SCHIP1: variants seen among roughly 807,000 people sequenced by gnomAD.
SCHIP1 encodes the protein schwannomin interacting protein 1.
A neutral mutation model predicts 29.7 loss-of-function variants in SCHIP1; 8 were observed. That is an observed-to-expected ratio of 0.27 (90% confidence interval 0.16 to 0.49). The LOEUF is 0.49. SCHIP1 is among the 20% of genes least tolerant of loss of function. The pLI is 0.99. For synonymous variants in SCHIP1, 76 were observed against 94.9 expected (o/e 0.80, Z 1.16); for missense variants, 193 against 294.6 (o/e 0.66, Z 2.52).
At chr3:159,578,415 T>C in the SCHIP1 span, among the ~76,000 whole-genome samples, 1 of 152,218 alleles carries the variant, frequency 6.6e-6, no homozygotes, top group Non-Finnish European at 1.5e-5. Context: ...TTATTAAATA[T>C]ATGTCACTTT....
chr3:159,821,310 C>T, the SCHIP1 span, among the ~76,000 whole-genome samples: 2 of 152,120 alleles, frequency 1.3e-5, no homozygotes, highest in African/African-American at 4.8e-5. Flanking sequence ...TTGTGGTTGT[C>T]TAGGAGAGTG....
At chr3:159,756,246 T>C in the SCHIP1 span, among the ~76,000 whole-genome samples, 1 of 152,234 alleles carries the variant, frequency 6.6e-6, no homozygotes, top group Non-Finnish European at 1.5e-5. Context: ...GGCATTTCCA[T>C]ACATCTTTCA....
the SCHIP1 span, among the ~76,000 whole-genome samples, chr3:159,651,343 G>T: frequency 6.6e-6 from 1 of 152,132 alleles, no homozygotes; most frequent in Non-Finnish European, 1.5e-5. Context: ...AAACAGCAAG[G>T]AAGTTTTTTT....
the SCHIP1 span, among the ~76,000 whole-genome samples, chr3:159,569,998 C>T: frequency 1.8e-3 from 276 of 152,138 alleles, no homozygotes; most frequent in African/African-American, 6.1e-3. Context: ...TATCCTTCGC[C>T]GACTTTTGGA....
intron 1 of SCHIP1, among the ~76,000 whole-genome samples, chr3:159,865,373 A>G (rs1220512396): frequency 6.6e-6 from 1 of 152,162 alleles, no homozygotes; most frequent in Admixed American, 6.6e-5. Flanking sequence ...GTGAGTTTTT[A>G]TGGGGCGTTT....
At chr3:159,742,690 C>G in the SCHIP1 span, among the ~76,000 whole-genome samples, 1 of 150,486 alleles carries the variant, frequency 6.6e-6, no homozygotes, top group Non-Finnish European at 1.5e-5. Flanking sequence ...TTTTTTGAGA[C>G]AGAGTCTCGC....
the SCHIP1 span, among the ~76,000 whole-genome samples, chr3:159,416,832 A>G: frequency 1.3e-5 from 2 of 152,168 alleles, no homozygotes; most frequent in Non-Finnish European, 2.9e-5. Context: ...TGTGACAATA[A>G]CAGAATACCA....
chr3:159,473,298 T>A, the SCHIP1 span, among the ~76,000 whole-genome samples: 3 of 152,244 alleles, frequency 2.0e-5, no homozygotes, highest in Non-Finnish European at 4.4e-5. Flanking sequence ...CCCATATTTT[T>A]AAAAATATCA....
chr3:159,502,752 G>A, the SCHIP1 span, among the ~76,000 whole-genome samples: 1 of 151,900 alleles, frequency 6.6e-6, no homozygotes, highest in Non-Finnish European at 1.5e-5. Flanking sequence ...CAAGGTTTGG[G>A]TAGGTACACA....
chr3:159,345,707 T>C, the SCHIP1 span, among the ~76,000 whole-genome samples: 1 of 152,120 alleles, frequency 6.6e-6, no homozygotes, highest in African/African-American at 2.4e-5. Context: ...TTCTCCCTGA[T>C]GGCACTTCTG....
At chr3:159,494,852 C>T in the SCHIP1 span, among the ~76,000 whole-genome samples, 530 of 152,220 alleles carry the variant, frequency 3.5e-3, 8 homozygotes, top group African/African-American at 0.012. Flanking sequence ...ATGCAAAAAT[C>T]CTCAATACAA....
chr3:159,473,674 G>GAAAAAAAAAAAAAAAAAAAAAA, the SCHIP1 span, among the ~76,000 whole-genome samples: 58 of 81,396 alleles, frequency 7.1e-4, no homozygotes, highest in Admixed American at 8.6e-4. Flanking sequence ...ATGTAACTAC[G>GAAAAAAAAAAAAAAAAAAAAAA]AAAAAAAAAA....
chr3:159,600,583 C>A, the SCHIP1 span, among the ~76,000 whole-genome samples: 4 of 152,004 alleles, frequency 2.6e-5, no homozygotes, highest in Admixed American at 2.6e-4. Context: ...TTCTCATATC[C>A]CCAATTTTTT....
chr3:159,444,010 G>A, the SCHIP1 span, among the ~76,000 whole-genome samples: 1 of 149,820 alleles, frequency 6.7e-6, no homozygotes, highest in Admixed American at 6.7e-5. Context: ...AGTAGAACTG[G>A]TCTTAGTTTG....
chr3:159,629,742 T>C, the SCHIP1 span, among the ~76,000 whole-genome samples: 7 of 152,118 alleles, frequency 4.6e-5, no homozygotes, highest in African/African-American at 1.7e-4. Context: ...TATAAACAAA[T>C]CCTGTATTTT....
At chr3:159,649,324 A>G in the SCHIP1 span, among the ~76,000 whole-genome samples, 2 of 152,184 alleles carry the variant, frequency 1.3e-5, no homozygotes, top group African/African-American at 4.8e-5. Context: ...CAATTTTATC[A>G]GGAATTAGCT....
chr3:159,617,195 C>G, the SCHIP1 span, among the ~76,000 whole-genome samples: 1 of 152,158 alleles, frequency 6.6e-6, no homozygotes, highest in African/African-American at 2.4e-5. Flanking sequence ...GCAACATTAA[C>G]AACTACCTGT....
At chr3:159,770,135 G>A in the SCHIP1 span, among the ~76,000 whole-genome samples, 5 of 152,164 alleles carry the variant, frequency 3.3e-5, no homozygotes, top group South Asian at 2.1e-4. Flanking sequence ...TCAGTGGTTC[G>A]TTTGAACTCT....
At chr3:159,368,846 T>C in the SCHIP1 span, among the ~76,000 whole-genome samples, 2 of 152,320 alleles carry the variant, frequency 1.3e-5, no homozygotes, top group South Asian at 4.1e-4. Context: ...GAGACGTGTC[T>C]TGACACAAAC....
Sources: gnomAD v4.1 joint callset for allele counts (sites outside exome capture counted in the v4.1 genomes callset) on GRCh38, gnomAD v4.1.1 for gene constraint, MANE v1.5 for transcripts, NCBI Gene and HGNC (gene_info 2026-07-23, HGNC 2026-07-21) for gene names.